The following ANK3 variants were observed in gnomAD, a reference collection of about 807,000 sequenced individuals.
ANK3 encodes the protein ankyrin-3.
Under a neutral mutation model 370.9 loss-of-function variants are expected in ANK3, and 57 were observed. The observed-to-expected ratio is 0.15, with a 90% CI of 0.12 to 0.19. ANK3 has a LOEUF of 0.19. Among genes scored for constraint, ANK3 ranks in the 10% least tolerant of loss-of-function variants. ANK3 has a pLI of 1.00. For missense variants in ANK3, 4,439 were observed against 5,302.1 expected (o/e 0.84, Z 5.06); for synonymous variants, 1,929 against 1,946.3 (o/e 0.99, Z 0.23).
At position 60,427,725 on chromosome 10, in the gene ANK3, G is replaced by A. The variant is rs142953273; in HGVS notation, c.97-148086C>T. On this transcript the variant is annotated intron_variant, in intron 2 of 43. Transcript: ENST00000373827. The stretch of plus-strand genomic sequence containing the variant: ...TTTAATGTTTTTGAAAATATAGGTG[G>A]GTTATTAAAAAAGGTAAACAAAAAT... Among the ~76,000 whole-genome samples the A allele has an allele frequency of 2.3e-3, 344 of 152,098 alleles. 14 individuals carry two copies. In the East Asian group the frequency reaches 0.056, roughly 25 times the overall value.
intron 1 of ANK3, among the ~76,000 whole-genome samples, chr10:60,366,422 AC>A (rs1422201158): frequency 1.3e-5 from 2 of 152,056 alleles, no homozygotes; most frequent in Non-Finnish European, 2.9e-5. Flanking sequence ...AGTGATAATG[AC>A]CCTGCCAGGA....
chr10:60,712,181 C>T (rs1378252969), intron 1 of ANK3, among the ~76,000 whole-genome samples: 1 of 152,108 alleles, frequency 6.6e-6, no homozygotes, highest in Non-Finnish European at 1.5e-5. Context: ...CCCCCCCAGT[C>T]TCTAAAATAA....
At chr10:60,604,775 C>T (rs1424221873) in intron 2 of ANK3, among the ~76,000 whole-genome samples, 1 of 152,142 alleles carries the variant, frequency 6.6e-6, no homozygotes. Flanking sequence ...TGGCCACCAC[C>T]TATGCTCAGA....
intron 25 of ANK3, among the ~76,000 whole-genome samples, chr10:60,127,729 C>G (rs1294686706): frequency 2.2e-5 from 3 of 136,720 alleles, no homozygotes; most frequent in African/African-American, 8.6e-5. Flanking sequence ...GACAGAGTCT[C>G]GCTCTGTCTC....
intron 1 of ANK3, among the ~76,000 whole-genome samples, chr10:60,336,701 T>A (rs2053038389): frequency 6.6e-6 from 1 of 152,200 alleles, no homozygotes; most frequent in African/African-American, 2.4e-5. Context: ...AAATGTGCAT[T>A]TTACGTAAGA....
chr10:60,496,733 G>A (rs1433741271), intron 2 of ANK3, among the ~76,000 whole-genome samples: 111 of 125,474 alleles, frequency 8.8e-4, no homozygotes, highest in African/African-American at 9.2e-4. Flanking sequence ...TTTTGAGACC[G>A]AAAAAAAAAA....
At chr10:60,250,521 C>A (rs570660149) in intron 7 of ANK3, among the ~76,000 whole-genome samples, 1 of 152,114 alleles carries the variant, frequency 6.6e-6, no homozygotes. Context: ...CCTGCCACCA[C>A]GCCCAGCTAA....
At chr10:60,586,363 C>G (rs2077831768) in intron 2 of ANK3, among the ~76,000 whole-genome samples, 1 of 152,210 alleles carries the variant, frequency 6.6e-6, no homozygotes, top group Non-Finnish European at 1.5e-5. Flanking sequence ...GTATACCCAA[C>G]AGTAGCCCAA....
rs78795965 is a variant in ANK3 at position 60,173,037 on chromosome 10, T to C, written c.2284-39A>G. On this transcript the variant is annotated intron_variant, in intron 19 of 43. Transcript: ENST00000280772. ...ATGGAAGAGATGATTCTTAATTCCT[T>C]TGAAGCAAAAATAAATGATTCTGGC... 423 of 1,610,132 alleles carry C rather than the reference T, an allele frequency of 2.6e-4. No individual in the cohort carries two copies. In the African/African-American group the frequency reaches 4.5e-3, roughly 17 times the overall value.
intron 7 of ANK3, among the ~76,000 whole-genome samples, chr10:60,240,984 A>G (rs2097447425): frequency 1.3e-5 from 2 of 152,164 alleles, no homozygotes; most frequent in African/African-American, 4.8e-5. Context: ...TTCTACATGT[A>G]CATTTGTACA....
At chr10:60,220,841 C>G (rs2097038459) in intron 8 of ANK3, among the ~76,000 whole-genome samples, 1 of 152,160 alleles carries the variant, frequency 6.6e-6, no homozygotes, top group Admixed American at 6.5e-5. Context: ...CAGAATAAAT[C>G]TATTCAAATA....
At chr10:60,363,626 G>A (rs1245969732) in intron 1 of ANK3, among the ~76,000 whole-genome samples, 1 of 152,162 alleles carries the variant, frequency 6.6e-6, no homozygotes, top group African/African-American at 2.4e-5. Context: ...GCCCCAAAGG[G>A]CATATGAGTA....
chr10:60,208,154 G>A lies in ANK3; in HGVS notation c.1076C>T (p.Pro359Leu). Residue 359 changes from proline (P) to leucine (L), a missense_variant, in exon 10 of 44, where the codon CCC becomes CTC. By Grantham distance (98) the Pro-to-Leu change is moderately conservative. Coordinates refer to ENST00000280772, the MANE Select transcript of ANK3 (RefSeq NM_020987.5). ...CVQLLLQHNV[P>L]VDDVTNDYLT... ...GTAGTCATTGGTGACATCATCCACGGGTACATTATGCTGGAGGAGAAGCTG... is the reference window on the plus strand; with the variant it reads ...GTAGTCATTGGTGACATCATCCACGAGTACATTATGCTGGAGGAGAAGCTG... 3 of 1,614,058 alleles carry A rather than the reference G, an allele frequency of 1.9e-6. No homozygotes were observed. Among genetic ancestry groups the A allele is most frequent in the Non-Finnish European group, 1.7e-6 (2 of 1,179,986 alleles).
At chr10:60,732,683 A>G (rs1165158741) in intron 1 of ANK3, among the ~76,000 whole-genome samples, 1 of 152,112 alleles carries the variant, frequency 6.6e-6, no homozygotes, top group South Asian at 2.1e-4. Flanking sequence ...CTTTCAAAAA[A>G]GAAAACAAAA....
At chr10:60,394,425 T>A (rs929500210), upstream of ANK3, among the ~76,000 whole-genome samples, 3 of 152,088 alleles carry the variant, frequency 2.0e-5, no homozygotes, top group Non-Finnish European at 4.4e-5. Flanking sequence ...TAACAAGCAC[T>A]GGCCTTGGTG....
intron 2 of ANK3, among the ~76,000 whole-genome samples, chr10:60,438,695 C>A (rs571478863): frequency 2.0e-5 from 3 of 152,260 alleles, no homozygotes; most frequent in Non-Finnish European, 4.4e-5. Flanking sequence ...GAGCCTTGAG[C>A]GGCCAGCAGT....
At chr10:60,377,973 G>C (rs1224772766) in intron 1 of ANK3, among the ~76,000 whole-genome samples, 1 of 152,068 alleles carries the variant, frequency 6.6e-6, no homozygotes, top group Admixed American at 6.5e-5. Context: ...CCAAACTGAG[G>C]TTTGCTAGCA....
chr10:60,229,127 G>C (rs1461526901), intron 8 of ANK3, among the ~76,000 whole-genome samples: 2 of 152,162 alleles, frequency 1.3e-5, no homozygotes, highest in Non-Finnish European at 2.9e-5. Flanking sequence ...TTGAAAGCTA[G>C]TGGCATTTCA....
intron 2 of ANK3, among the ~76,000 whole-genome samples, chr10:60,439,120 G>T (rs899639660): frequency 3.3e-5 from 5 of 152,134 alleles, no homozygotes; most frequent in Non-Finnish European, 7.3e-5. Flanking sequence ...CGTTTGTACT[G>T]TTGAAATTAT....
Sources: allele counts gnomAD v4.1 joint callset (sites outside exome capture counted in the v4.1 genomes callset), GRCh38; gene constraint gnomAD v4.1.1; transcripts MANE v1.5; gene names NCBI Gene and HGNC (gene_info 2026-07-23, HGNC 2026-07-21).